BABAM2: variants seen among roughly 807,000 people sequenced by gnomAD.
BABAM2 encodes BRISC and BRCA1-A complex member 2.
In BABAM2, 31 loss-of-function variants were observed where a neutral mutation model predicts 54.7. The ratio of observed to expected loss-of-function variants is 0.57; its 90% CI spans 0.43 to 0.77. The LOEUF (loss-of-function observed/expected upper bound fraction) is 0.77. Among genes scored for constraint, BABAM2 ranks in the 30% least tolerant of loss-of-function variants. The pLI is 0.00. For synonymous variants in BABAM2, 167 were observed against 162.9 expected, an observed-to-expected ratio of 1.03 and a Z score of -0.19; for missense variants, 364 against 455.8, an observed-to-expected ratio of 0.80 and a Z score of 1.83.
At chr2:27,980,985 G>C (rs1244248335) in intron 3 of BABAM2, among the ~76,000 whole-genome samples, 1 of 151,892 alleles carries the variant, frequency 6.6e-6, no homozygotes, top group Admixed American at 6.6e-5. Context: ...TTATGTGCTT[G>C]TATGAAAATA....
chr2:28,194,700 A>G (rs1204560802), intron 7 of BABAM2, among the ~76,000 whole-genome samples: 1 of 147,116 alleles, frequency 6.8e-6, no homozygotes, highest in Non-Finnish European at 1.5e-5. Context: ...AGCTGGAATT[A>G]CAGGCACGTA....
intron 5 of BABAM2, 141 bp downstream of exon 5, chr2:28,025,561 T>A: frequency 1.3e-6 from 1 of 786,716 alleles, no homozygotes; most frequent in Non-Finnish European, 1.9e-6. Context: ...ATTTAGAGTT[T>A]AAAGAGACCT....
chr2:28,098,484 A>G (rs1282731758), intron 6 of BABAM2, among the ~76,000 whole-genome samples: 3 of 152,238 alleles, frequency 2.0e-5, no homozygotes, highest in Non-Finnish European at 2.9e-5. Context: ...TTGATGATAT[A>G]GAGCTATGAC....
chr2:28,125,090 T>C (rs951954946), intron 6 of BABAM2, among the ~76,000 whole-genome samples: 1 of 152,028 alleles, frequency 6.6e-6, no homozygotes, highest in African/African-American at 2.4e-5. Flanking sequence ...AAAAGAAATG[T>C]AGATGACCAG....
rs112320990 is a variant in BABAM2 at position 28,206,729 on chromosome 2, C to T, written c.681-30473C>T. Among the ~76,000 whole-genome samples, 437 of 152,334 alleles carry T rather than the reference C, an allele frequency of 2.9e-3. 1 individual carries two copies. The highest frequency in any genetic ancestry group is 9.8e-3 in the African/African-American group (407 of 41,568). On this transcript the variant is annotated intron_variant, in intron 7 of 11. Coordinates refer to ENST00000379624, the MANE Select transcript of BABAM2 (RefSeq NM_199191.3). Reference sequence around the variant, plus strand: ...ACAAAGATTCTTTATATGCCTGCAGCAGCCTTGATTAAATGGCAGCACTAG... The same window carrying T: ...ACAAAGATTCTTTATATGCCTGCAGTAGCCTTGATTAAATGGCAGCACTAG...
chr2:28,227,980 T>C (rs1330134744), intron 7 of BABAM2, among the ~76,000 whole-genome samples: 1 of 152,082 alleles, frequency 6.6e-6, no homozygotes, highest in African/African-American at 2.4e-5. Flanking sequence ...AAGATTACAA[T>C]TCCAGTTTCA....
chr2:27,983,942 CTTTTT>C lies in BABAM2; in HGVS notation c.206-4036_206-4032del. 1.7e-3 allele frequency among the ~76,000 whole-genome samples: 53 copies of C among 31,170 alleles called. 2 individuals carry two copies. The highest frequency in any genetic ancestry group is 5.0e-3 in the African/African-American group (36 of 7,264). The allele number at this position is 31,170 out of a possible 152,430, so 20.4% of individuals were successfully genotyped here. A position where few individuals can be genotyped will look rare whatever the true frequency, so the allele number is the denominator to read the frequency against. On this transcript the variant is annotated intron_variant, in intron 3 of 11. Coordinates refer to ENST00000379624, the MANE Select transcript of BABAM2 (RefSeq NM_199191.3). ...TTTCCAATGTAGATACATTTTGTAC[CTTTTT>C]TTTTTTTTTTTTTTGCCAAATTGTT...
chr2:27,935,013 A>G (rs892384486), intron 3 of BABAM2, among the ~76,000 whole-genome samples: 3 of 152,252 alleles, frequency 2.0e-5, no homozygotes, highest in Non-Finnish European at 2.9e-5. Flanking sequence ...ATGAAGTGCT[A>G]CACTTAGCAA....
At chr2:27,972,362 T>G (rs756579177) in intron 3 of BABAM2, among the ~76,000 whole-genome samples, 5 of 152,186 alleles carry the variant, frequency 3.3e-5, no homozygotes, top group Non-Finnish European at 5.9e-5. Flanking sequence ...AGAAAGAACT[T>G]TTTTCAACGG....
At chr2:27,989,500 C>G (rs1342328294) in intron 4 of BABAM2, among the ~76,000 whole-genome samples, 1 of 152,130 alleles carries the variant, frequency 6.6e-6, no homozygotes, top group Non-Finnish European at 1.5e-5. Context: ...TTTCAGAAGG[C>G]ACTGACAGGT....
chr2:28,156,510 T>A (rs1490900805), intron 7 of BABAM2, among the ~76,000 whole-genome samples: 1 of 152,170 alleles, frequency 6.6e-6, no homozygotes, highest in East Asian at 1.9e-4. Context: ...TTTTTCATAG[T>A]CTATTTAAAG....
chr2:28,030,949 GA>G (rs1676254093), intron 5 of BABAM2, among the ~76,000 whole-genome samples: 2 of 152,156 alleles, frequency 1.3e-5, no homozygotes, highest in African/African-American at 4.8e-5. Flanking sequence ...AAATTTTAGA[GA>G]AGCAGAAAGA....
intron 6 of BABAM2, among the ~76,000 whole-genome samples, chr2:28,089,127 C>T (rs1665936414): frequency 1.3e-5 from 2 of 152,036 alleles, no homozygotes; most frequent in Admixed American, 1.3e-4. Flanking sequence ...ACTCTCCTGG[C>T]CCCAAGTGTC....
intron 6 of BABAM2, among the ~76,000 whole-genome samples, chr2:28,081,168 G>T (rs767511421): frequency 2.6e-5 from 4 of 152,166 alleles, no homozygotes; most frequent in African/African-American, 7.2e-5. Flanking sequence ...ACATAGATTC[G>T]CAGACTGGCA....
At chr2:28,102,334 C>T (rs6705961) in intron 6 of BABAM2, among the ~76,000 whole-genome samples, 73,374 of 152,084 alleles carry the variant, frequency 0.48, 18,785 homozygotes, top group African/African-American at 0.64. Flanking sequence ...TCCTTGGTTA[C>T]TCCACTGAAC....
chr2:27,961,485 C>G (rs1670464956), intron 3 of BABAM2, among the ~76,000 whole-genome samples: 1 of 152,100 alleles, frequency 6.6e-6, no homozygotes, highest in Non-Finnish European at 1.5e-5. Flanking sequence ...TGTAAGTGTT[C>G]TGAGCACATT....
chr2:28,183,770 C>CACACAG (rs1416913259), intron 7 of BABAM2, among the ~76,000 whole-genome samples: 2 of 152,008 alleles, frequency 1.3e-5, no homozygotes, highest in Middle Eastern at 3.2e-3. Context: ...CACACACACA[C>CACACAG]ACACGTACAT....
chr2:28,009,330 G>T (rs1674222274), intron 4 of BABAM2, among the ~76,000 whole-genome samples: 1 of 152,072 alleles, frequency 6.6e-6, no homozygotes, highest in South Asian at 2.1e-4. Context: ...AGGTAGAAAA[G>T]GTTCATATAC....
At chr2:28,014,813 A>G (rs549405527) in intron 4 of BABAM2, among the ~76,000 whole-genome samples, 2 of 152,116 alleles carry the variant, frequency 1.3e-5, no homozygotes, top group African/African-American at 4.8e-5. Flanking sequence ...AAATTCATAC[A>G]AAAAATAAAC....
Sources: allele counts gnomAD v4.1 joint callset (sites outside exome capture counted in the v4.1 genomes callset), GRCh38; gene constraint gnomAD v4.1.1; transcripts MANE v1.5; gene names NCBI Gene and HGNC (gene_info 2026-07-23, HGNC 2026-07-21).